Variants in NRXN1 observed in about 807,000 individuals in gnomAD.
The protein encoded by NRXN1 is neurexin-1.
In NRXN1, 39 loss-of-function variants were observed where a neutral mutation model predicts 150.9. The ratio of observed to expected loss-of-function variants is 0.26; its 90% confidence interval spans 0.20 to 0.34. The LOEUF (loss-of-function observed/expected upper bound fraction) is 0.34, where lower values mean the gene tolerates loss of function less well. NRXN1 is among the 10% of genes least tolerant of loss of function. The pLI is 1.00. For synonymous variants in NRXN1, 924 were observed against 757.0 expected (o/e 1.22, Z -3.62); for missense variants, 1,815 against 1,949.9 (o/e 0.93, Z 1.30).
At chr2:50,836,358 T>C (rs892035081) in intron 5 of NRXN1, among the ~76,000 whole-genome samples, 19 of 152,176 alleles carry the variant, frequency 1.2e-4, no homozygotes, top group African/African-American at 4.6e-4. Flanking sequence ...TTAGCAATTT[T>C]GAAATATACA....
At chr2:50,193,920 A>G (rs933707742) in intron 18 of NRXN1, among the ~76,000 whole-genome samples, 3 of 152,200 alleles carry the variant, frequency 2.0e-5, no homozygotes, top group Non-Finnish European at 2.9e-5. Context: ...ACTGTTGATA[A>G]TGACTATTAC....
At chr2:50,824,126 A>T (rs1670113473) in intron 5 of NRXN1, among the ~76,000 whole-genome samples, 1 of 152,174 alleles carries the variant, frequency 6.6e-6, no homozygotes, top group African/African-American at 2.4e-5. Context: ...GTGCCACCAA[A>T]CTACATTTTT....
intron 18 of NRXN1, among the ~76,000 whole-genome samples, chr2:50,218,524 A>C (rs1332136538): frequency 6.7e-6 from 1 of 149,418 alleles, no homozygotes; most frequent in Non-Finnish European, 1.5e-5. Context: ...CAGAATCTAA[A>C]CGTCTTTGGT....
chr2:50,189,710 A>T (rs555243558), intron 18 of NRXN1, among the ~76,000 whole-genome samples: 35 of 152,156 alleles, frequency 2.3e-4, no homozygotes, highest in African/African-American at 6.0e-4. Context: ...GGGAATATGG[A>T]TTTGACAGAG....
At chr2:50,564,247 G>A (rs538307484) in intron 8 of NRXN1, among the ~76,000 whole-genome samples, 3 of 152,178 alleles carry the variant, frequency 2.0e-5, no homozygotes, top group East Asian at 1.9e-4. Flanking sequence ...CTTGATCCTG[G>A]GTACCTAAAT....
At position 50,465,444 on chromosome 2, in the gene NRXN1, T is replaced by G. The variant is rs949449619; in HGVS notation, c.3362A>C (p.Asp1121Ala). Reference protein sequence around the residue: ...MTSFSGPLCNDPGTTYIFSKG... With the variant: ...MTSFSGPLCNAPGTTYIFSKG... ...TCCATACTCAGAGAGGTACTTACGG[T>G]CATTGCAGAGTGGTCCACTGAAGGA... The change falls in exon 17 of 23, where the codon GAC becomes GCC. Residue 1121 changes from aspartate to alanine, a missense_variant and splice_region_variant. Physicochemically the swap from Asp to Ala is moderately radical, Grantham distance 126. Around this residue, in one of 6 missense-constraint regions of NRXN1, gnomAD observed 339 missense variants for 440.3 expected, o/e 0.77. Coordinates refer to ENST00000401669, the MANE Select transcript of NRXN1 (RefSeq NM_001330078.2). The G allele has an allele frequency of 6.2e-7, 1 of 1,607,542 alleles. No homozygotes were observed. Among genetic ancestry groups the G allele is most frequent in the Non-Finnish European group, 8.5e-7 (1 of 1,176,442 alleles).
intron 9 of NRXN1, among the ~76,000 whole-genome samples, chr2:50,542,629 G>T (rs957933655): frequency 4.6e-5 from 7 of 152,156 alleles, no homozygotes; most frequent in African/African-American, 1.7e-4. Flanking sequence ...GTTCAAGTGG[G>T]ATGGAAACAA....
At chr2:50,577,711 C>A (rs1003132193) in intron 8 of NRXN1, among the ~76,000 whole-genome samples, 17 of 86,944 alleles carry the variant, frequency 2.0e-4, no homozygotes, top group Non-Finnish European at 3.6e-4. Context: ...CTGACTGAAA[C>A]ACACACACAC....
In NRXN1 at chr2:51,023,172, T is replaced by C. The variant is rs532497865; in HGVS notation, c.772+4330A>G. ...ACTGACAAACAGAAAATGTTTCCTC[T>C]TTCTCCCTGGCCCCCTTTCAATCTG... is the stretch of plus-strand genomic sequence containing the variant. On this transcript the variant is annotated intron_variant, in intron 2 of 22. Coordinates refer to ENST00000401669, the MANE Select transcript of NRXN1 (RefSeq NM_001330078.2). Among the ~76,000 whole-genome samples, 4 of 152,322 alleles carry C rather than the reference T, an allele frequency of 2.6e-5. No individual in the cohort carries two copies. The South Asian group carries it at 8.3e-4, about 32-fold the overall frequency.
chr2:50,922,468 G>A, intron 4 of NRXN1, 190 bp downstream of exon 4: 1 of 685,320 alleles, frequency 1.5e-6, no homozygotes, highest in Non-Finnish European at 2.6e-6. Flanking sequence ...AAAGCCACAG[G>A]AACAAACCAA....
At chr2:50,164,795 G>A (rs1394193603) in intron 18 of NRXN1, among the ~76,000 whole-genome samples, 2 of 152,238 alleles carry the variant, frequency 1.3e-5, no homozygotes, top group African/African-American at 2.4e-5. Flanking sequence ...AGAATACAGA[G>A]GTTGTGTTCT....
chr2:49,950,279 T>C (rs983266834), intron 21 of NRXN1, among the ~76,000 whole-genome samples: 1 of 151,960 alleles, frequency 6.6e-6, no homozygotes, highest in Non-Finnish European at 1.5e-5. Context: ...ATTTAGAGGC[T>C]GTCTAGATCT....
chr2:50,173,242 G>A (rs554207059), intron 18 of NRXN1, among the ~76,000 whole-genome samples: 34 of 152,124 alleles, frequency 2.2e-4, no homozygotes, highest in Admixed American at 6.6e-4. Context: ...TTTCAGACAA[G>A]ATGCAGACTA....
At chr2:50,846,353 C>T (rs1324282565) in intron 5 of NRXN1, among the ~76,000 whole-genome samples, 1 of 152,154 alleles carries the variant, frequency 6.6e-6, no homozygotes, top group Non-Finnish European at 1.5e-5. Flanking sequence ...TCACTCCAAT[C>T]AATTTGCTCA....
At chr2:50,126,472 GTCA>G (rs1332358820) in intron 18 of NRXN1, among the ~76,000 whole-genome samples, 3 of 151,000 alleles carry the variant, frequency 2.0e-5, no homozygotes, top group African/African-American at 7.3e-5. Context: ...AACTGATATA[GTCA>G]TCATATTTCC....
intron 17 of NRXN1, among the ~76,000 whole-genome samples, chr2:50,271,479 A>T (rs1448734983): frequency 6.6e-6 from 1 of 152,166 alleles, no homozygotes. Flanking sequence ...GGTTATTTCC[A>T]TAAAATTCTA....
At chr2:50,135,845 A>T (rs1312698728) in intron 18 of NRXN1, among the ~76,000 whole-genome samples, 1 of 152,240 alleles carries the variant, frequency 6.6e-6, no homozygotes, top group Non-Finnish European at 1.5e-5. Flanking sequence ...CAGTCAAATA[A>T]TTCTACTGAG....
At chr2:50,999,916 T>C (rs769970907) in intron 2 of NRXN1, among the ~76,000 whole-genome samples, 1 of 152,064 alleles carries the variant, frequency 6.6e-6, no homozygotes, top group Non-Finnish European at 1.5e-5. Context: ...ATTCTCTCTA[T>C]GACGAATGAA....
In NRXN1 at chr2:49,921,653, C is replaced by T; in HGVS notation, c.*291G>A. ...CCTTTGCTTTATGAATGCGTGCGGT[C>T]ATCACTGTCTTTTAGAAATGTTCCA... is the stretch of plus-strand genomic sequence containing the variant. On this transcript the variant is annotated 3_prime_UTR_variant, in exon 23 of 23. Transcript: ENST00000401669. 2.5e-6 allele frequency: 1 copy of T among 392,752 alleles called. No individual in the cohort carries two copies. Among genetic ancestry groups the T allele is most frequent in the Non-Finnish European group, 4.6e-6 (1 of 215,712 alleles). The allele number at this position is 392,752 out of a possible 1,614,324, so 24.3% of individuals were successfully genotyped here.
Sources: allele counts gnomAD v4.1 joint callset (sites outside exome capture counted in the v4.1 genomes callset), GRCh38; gene constraint gnomAD v4.1.1; regional missense constraint gnomAD v4.1.1; transcripts MANE v1.5; gene names NCBI Gene and HGNC (gene_info 2026-07-23, HGNC 2026-07-21).